CEACAM18: variants seen among roughly 807,000 people sequenced by gnomAD.
The protein encoded by CEACAM18 is cell adhesion molecule CEACAM18.
In CEACAM18, 33 loss-of-function variants were observed where a neutral mutation model predicts 34.3. The observed-to-expected ratio is 0.96, with a 90% CI of 0.73 to 1.29. The LOEUF is 1.29. Ranked by LOEUF, CEACAM18 falls within the 50% of genes most tolerant of loss-of-function variation. The pLI is 0.00. For missense variants in CEACAM18, 474 were observed against 485.0 expected (o/e 0.98, Z 0.21); for synonymous variants, 169 against 180.9 (o/e 0.93, Z 0.53).
chr19:51,481,672 G>A lies in CEACAM18; in HGVS notation c.673+7G>A, dbSNP rs1259490554. On this transcript the variant is annotated splice_region_variant and intron_variant, in intron 3 of 5. Coordinates refer to ENST00000396477, the Ensembl canonical transcript of CEACAM18. The stretch of plus-strand genomic sequence containing the variant: ...ATCTCTCTGACTGTGGCCTGTGAGT[G>A]GTCTGGGCTCCTGGGACTGAAGCCA... The A allele has an allele frequency of 6.2e-7, 1 of 1,606,840 alleles. No individual in the cohort carries two copies. Among genetic ancestry groups the A allele is most frequent in the Non-Finnish European group, 8.5e-7 (1 of 1,174,860 alleles).
intron 4 of CEACAM18, 94 bp downstream of exon 4, chr19:51,483,390 T>A (rs771557065): frequency 1.4e-6 from 2 of 1,454,586 alleles, no homozygotes; most frequent in Non-Finnish European, 1.9e-6. Flanking sequence ...CCACCTCCAC[T>A]GTGCCATGAC....
intron 5 of CEACAM18, among the ~76,000 whole-genome samples, chr19:51,486,693 T>A (rs1407789507): frequency 6.6e-6 from 1 of 151,230 alleles, no homozygotes; most frequent in Non-Finnish European, 1.5e-5. Flanking sequence ...AATTTTCTTT[T>A]TTCTTTTTCT....
At chr19:51,486,219 GTGA>G (rs1159103545) in intron 5 of CEACAM18, among the ~76,000 whole-genome samples, 2 of 152,082 alleles carry the variant, frequency 1.3e-5, no homozygotes, top group Admixed American at 1.3e-4. Flanking sequence ...GATGACAATG[GTGA>G]TGATGATGGC....
intron 1 of CEACAM18, among the ~76,000 whole-genome samples, chr19:51,479,452 C>T (rs912432146): frequency 6.6e-6 from 1 of 152,226 alleles, no homozygotes; most frequent in Non-Finnish European, 1.5e-5. Flanking sequence ...CTGTGTCCAG[C>T]CTGTGCTCAG....
exon 2 of CEACAM18, chr19:51,480,609 C>T (rs570397427): frequency 9.3e-6 from 15 of 1,613,834 alleles, no homozygotes; most frequent in South Asian, 6.6e-5. Context: ...TTAAATGACA[C>T]GGGAAACTAC....
chr19:51,481,214 A>G (rs1199256196), intron 2 of CEACAM18, among the ~76,000 whole-genome samples, 179 bp from the exon 3 acceptor site: 1 of 152,188 alleles, frequency 6.6e-6, no homozygotes, highest in Non-Finnish European at 1.5e-5. Context: ...CCCACACCTC[A>G]GCAGCCTCAT....
At chr19:51,485,217 G>C in intron 5 of CEACAM18, 95 bp downstream of exon 5, 1 of 1,282,340 alleles carries the variant, frequency 7.8e-7, no homozygotes, top group African/African-American at 1.5e-5. Context: ...GAGCCAGAAG[G>C]GGAGGGATAA....
chr19:51,478,802 A>T, intron 1 of CEACAM18, 108 bp downstream of exon 1: 1 of 735,016 alleles, frequency 1.4e-6, no homozygotes, highest in Non-Finnish European at 2.0e-6. Context: ...GGGCACATCA[A>T]GAAACTCCCA....
At chr19:51,480,179 C>A (rs975694582) in intron 1 of CEACAM18, among the ~76,000 whole-genome samples, 154 bp from the exon 2 acceptor site, 6 of 152,142 alleles carry the variant, frequency 3.9e-5, no homozygotes, top group Non-Finnish European at 8.8e-5. Context: ...CAGGAGGGGA[C>A]AAGCTGGGGA....
chr19:51,485,920 G>C (rs1989991881), intron 5 of CEACAM18, among the ~76,000 whole-genome samples: 1 of 152,198 alleles, frequency 6.6e-6, no homozygotes. Flanking sequence ...ACACTATGAA[G>C]ATCACATGGG....
upstream of CEACAM18, chr19:51,478,541 G>C: frequency 9.3e-7 from 1 of 1,080,424 alleles, no homozygotes; most frequent in East Asian, 2.7e-5. Flanking sequence ...TGGGAGACGA[G>C]ACCGGCAGCC....
intron 5 of CEACAM18, among the ~76,000 whole-genome samples, chr19:51,490,219 C>T (rs1229767165): frequency 6.6e-6 from 1 of 152,154 alleles, no homozygotes; most frequent in Non-Finnish European, 1.5e-5. Context: ...ATAACCCTGT[C>T]ATAAGTTATA....
chr19:51,485,095 A>G, exon 5 of CEACAM18: 1 of 1,529,788 alleles, frequency 6.5e-7, no homozygotes, highest in South Asian at 1.2e-5. Flanking sequence ...GTCCTGATCC[A>G]TGCTCTGATC....
intron 4 of CEACAM18, among the ~76,000 whole-genome samples, chr19:51,484,201 C>T (rs55870623): frequency 0.2 from 30,336 of 152,124 alleles, 3,157 homozygotes; most frequent in Middle Eastern, 0.36. Flanking sequence ...GCCACACTAC[C>T]TCCTAAGCAC....
intron 5 of CEACAM18, among the ~76,000 whole-genome samples, chr19:51,487,311 C>T (rs551571714): frequency 2.9e-4 from 44 of 151,944 alleles, no homozygotes; most frequent in Admixed American, 7.9e-4. Flanking sequence ...CTCATCTCTA[C>T]AAAAAATACA....
chr19:51,482,144 A>G (rs1321975017), intron 3 of CEACAM18, among the ~76,000 whole-genome samples: 1 of 151,526 alleles, frequency 6.6e-6, no homozygotes, highest in Non-Finnish European at 1.5e-5. Context: ...TTATTTAAAG[A>G]CTCAATTATG....
intron 5 of CEACAM18, among the ~76,000 whole-genome samples, chr19:51,490,034 C>T (rs1324830461): frequency 6.6e-6 from 1 of 152,168 alleles, no homozygotes; most frequent in Non-Finnish European, 1.5e-5. Context: ...TGGGGCCTCC[C>T]CTCCGATATG....
rs1452605915 is a variant in CEACAM18, at chr19:51,486,989, T to C, written c.1089+1867T>C. Among the ~76,000 whole-genome samples the C allele has an allele frequency of 2.6e-5, 4 of 151,986 alleles. No individual in the cohort carries two copies. The East Asian group carries it at 5.8e-4, about 22-fold the overall frequency. On this transcript the variant is annotated intron_variant, in intron 5 of 5. Coordinates refer to ENST00000396477, the Ensembl canonical transcript of CEACAM18. ...CGCCCGCCTCAGCATCCCAAAGTGC[T>C]GGGGTTACAGGCATAAGCCACCGCG...
chr19:51,490,044 G>A (rs1311402151), intron 5 of CEACAM18, among the ~76,000 whole-genome samples: 1 of 152,164 alleles, frequency 6.6e-6, no homozygotes, highest in East Asian at 1.9e-4. Flanking sequence ...CCTCCGATAT[G>A]AGAGCAGGGA....
Sources: gnomAD v4.1 joint callset for allele counts (sites outside exome capture counted in the v4.1 genomes callset) on GRCh38, gnomAD v4.1.1 for gene constraint, MANE v1.5 for transcripts, NCBI Gene and HGNC (gene_info 2026-07-23, HGNC 2026-07-21) for gene names.